RPH3AL: variants seen among roughly 807,000 people sequenced by gnomAD.
RPH3AL encodes the protein rabphilin 3A like (without C2 domains).
RPH3AL carries 38 observed loss-of-function variants against 43.1 expected under a neutral mutation model. The observed-to-expected ratio is 0.88, with a 90% CI of 0.68 to 1.15. RPH3AL has a LOEUF of 1.15. Among genes scored for constraint, RPH3AL ranks in the 50% most tolerant of loss-of-function variants. The probability of loss-of-function intolerance (pLI) is 0.00; values close to 1 mark genes in which losing one functional copy is unlikely to be tolerated. For synonymous variants in RPH3AL, 189 were observed against 176.3 expected (o/e 1.07, Z -0.57); for missense variants, 462 against 423.2 (o/e 1.09, Z -0.81).
intron 5 of RPH3AL, among the ~76,000 whole-genome samples, chr17:285,997 C>CT (rs1233184479): frequency 6.6e-6 from 1 of 152,248 alleles, no homozygotes; most frequent in Non-Finnish European, 1.5e-5. Context: ...CCAGGCCCCA[C>CT]TGTGCACCCC....
At chr17:231,036 A>G (rs1316245124) in intron 7 of RPH3AL, among the ~76,000 whole-genome samples, 3 of 151,712 alleles carry the variant, frequency 2.0e-5, no homozygotes, top group Admixed American at 2.0e-4. Context: ...TCTTATCTTC[A>G]TTTCCCTCCG....
chr17:250,849 G>A (rs1414386511), intron 6 of RPH3AL, among the ~76,000 whole-genome samples: 2 of 151,026 alleles, frequency 1.3e-5, no homozygotes, highest in African/African-American at 4.9e-5. Flanking sequence ...CATCACTGCA[G>A]GACCTCTCAG....
chr17:226,879 G>T (rs1396027841), intron 7 of RPH3AL, among the ~76,000 whole-genome samples: 1 of 152,214 alleles, frequency 6.6e-6, no homozygotes, highest in African/African-American at 2.4e-5. Context: ...GTGTCTGAAG[G>T]CTGATACATT....
chr17:246,580 C>T lies in RPH3AL; in HGVS notation c.613+531G>A, dbSNP rs778325851. On this transcript the variant is annotated intron_variant, in intron 7 of 9. Coordinates refer to ENST00000331302, the MANE Select transcript of RPH3AL (RefSeq NM_006987.4). The surrounding 1 kb of genome is among the most constrained non-coding windows in gnomAD (Gnocchi z 4.8). The stretch of plus-strand genomic sequence containing the variant: ...CGGAGAACGGTCCACAACCAGGCGC[C>T]CCCATCGTTGCCAAGTGGGGCGGCC... Among the ~76,000 whole-genome samples, 3 of 152,116 alleles carry T rather than the reference C, an allele frequency of 2.0e-5. No homozygotes were observed. The highest frequency in any genetic ancestry group is 4.4e-5 in the Non-Finnish European group (3 of 68,024).
chr17:333,484 C>CTA lies in RPH3AL; in HGVS notation c.-37+273_-37+274dup, dbSNP rs569917121. 1.6e-5 allele frequency: 6 copies of CTA among 365,740 alleles called. No homozygotes were observed. The East Asian group carries it at 4.5e-4, about 27-fold the overall frequency. 22.7% of individuals were successfully genotyped at this position (365,740 alleles called of 1,614,324 possible). The stretch of plus-strand genomic sequence containing the variant: ...GTTTCTAAATAAAATTGGGTTCTTA[C>CTA]TATATATGCTGCTTGCTGGTTTTTT... On this transcript the variant is annotated intron_variant, in intron 2 of 9. Transcript: ENST00000331302. The surrounding 1 kb of genome is among the most constrained non-coding windows in gnomAD (Gnocchi z 4.5).
intron 2 of RPH3AL, chr17:332,743 A>T (rs2044817910): frequency 3.4e-6 from 1 of 292,640 alleles, no homozygotes; most frequent in Non-Finnish European, 6.9e-6. Flanking sequence ...CTGACGGCTG[A>T]GCTCGCTCCT....
At chr17:347,283 A>C (rs1201479312) in intron 1 of RPH3AL, among the ~76,000 whole-genome samples, 1 of 152,112 alleles carries the variant, frequency 6.6e-6, no homozygotes, top group Non-Finnish European at 1.5e-5. Context: ...AAATAAATAA[A>C]TAAAAATAAA....
intron 5 of RPH3AL, among the ~76,000 whole-genome samples, chr17:286,935 G>A (rs35208243): frequency 0.16 from 11,061 of 69,172 alleles, 894 homozygotes; most frequent in Middle Eastern, 0.22. Flanking sequence ...GTCAGACCTC[G>A]CACCCTCTCT....
At position 215,548 on chromosome 17, in the gene RPH3AL, C is replaced by G. The variant is rs1420603225; in HGVS notation, c.876+106G>C. On this transcript the variant is annotated intron_variant, in intron 9 of 9. Coordinates refer to ENST00000331302, the MANE Select transcript of RPH3AL (RefSeq NM_006987.4). The surrounding 1 kb of genome is among the most constrained non-coding windows in gnomAD (Gnocchi z 4.1). ...CGCACAGTGCTTGGTAAACAACATG[C>G]AGAATTGAAAACGTCACCGACCAGT... 1 of 1,053,446 alleles carries G rather than the reference C, an allele frequency of 9.5e-7. No individual in the cohort carries two copies. Among genetic ancestry groups the G allele is most frequent in the Non-Finnish European group, 1.2e-6 (1 of 820,610 alleles). The allele number at this position is 1,053,446 out of a possible 1,614,324, so 65.3% of individuals were successfully genotyped here. A position where few individuals can be genotyped will look rare whatever the true frequency, so the allele number is the denominator to read the frequency against.
chr17:312,051 C>A (rs960276019), intron 5 of RPH3AL, among the ~76,000 whole-genome samples: 4 of 152,070 alleles, frequency 2.6e-5, no homozygotes, highest in Non-Finnish European at 4.4e-5. Context: ...CGTCTGTAAT[C>A]CCAGTGCTTT....
chr17:327,660 G>GC (rs1246593446), intron 2 of RPH3AL, 81 bp from the exon 3 acceptor site: 24 of 806,252 alleles, frequency 3.0e-5, no homozygotes, highest in South Asian at 2.2e-4. Context: ...GTGCCCTCAG[G>GC]CCCCTCCACA....
intron 6 of RPH3AL, among the ~76,000 whole-genome samples, chr17:275,290 T>C (rs950553397): frequency 1.3e-5 from 2 of 148,716 alleles, no homozygotes; most frequent in African/African-American, 4.9e-5. Context: ...AATGGTAGAA[T>C]GGATAAATAG....
At chr17:327,065 A>C (rs1295414005) in intron 3 of RPH3AL, among the ~76,000 whole-genome samples, 1 of 152,232 alleles carries the variant, frequency 6.6e-6, no homozygotes, top group African/African-American at 2.4e-5. Context: ...TCCAGAGATC[A>C]AAATCTCCCT....
At chr17:307,584 G>A (rs74521961) in intron 5 of RPH3AL, among the ~76,000 whole-genome samples, 11,942 of 152,244 alleles carry the variant, frequency 0.078, 619 homozygotes, top group African/African-American at 0.14. Flanking sequence ...GGCCTGGCAC[G>A]AAGGTGAGCT....
At chr17:230,042 T>C (rs1597888708) in intron 7 of RPH3AL, among the ~76,000 whole-genome samples, 1 of 152,172 alleles carries the variant, frequency 6.6e-6, no homozygotes, top group South Asian at 2.1e-4. Context: ...GAGGACATGG[T>C]ACCTGGGGAG....
chr17:306,024 A>T (rs1236041786), intron 5 of RPH3AL, among the ~76,000 whole-genome samples: 3 of 139,546 alleles, frequency 2.1e-5, no homozygotes, highest in East Asian at 2.1e-4. Context: ...ATGCCCAGCT[A>T]TTTTTTTTTT....
intron 5 of RPH3AL, among the ~76,000 whole-genome samples, chr17:311,538 C>T (rs1053883077): frequency 2.0e-5 from 3 of 152,228 alleles, no homozygotes; most frequent in African/African-American, 7.2e-5. Context: ...CTAGAGAATA[C>T]TGTCTGCCCA....
At chr17:324,185 T>C (rs2044555028) in intron 3 of RPH3AL, among the ~76,000 whole-genome samples, 1 of 152,208 alleles carries the variant, frequency 6.6e-6, no homozygotes, top group African/African-American at 2.4e-5. Flanking sequence ...GCCTGAGCCC[T>C]GACCTGCCGA....
At chr17:325,722 T>C (rs1434712323) in intron 3 of RPH3AL, among the ~76,000 whole-genome samples, 2 of 152,212 alleles carry the variant, frequency 1.3e-5, no homozygotes, top group Non-Finnish European at 2.9e-5. Context: ...CCAGGGACTG[T>C]GTTGGTCCTG....
Sources: allele counts gnomAD v4.1 joint callset (sites outside exome capture counted in the v4.1 genomes callset), GRCh38; gene constraint gnomAD v4.1.1; non-coding constraint Gnocchi (gnomAD v3.1); transcripts MANE v1.5; gene names NCBI Gene and HGNC (gene_info 2026-07-23, HGNC 2026-07-21).